The following GANC variants were observed in gnomAD, a reference collection of about 807,000 sequenced individuals.
GANC encodes the protein neutral alpha-glucosidase C.
GANC carries 117 observed loss-of-function variants against 124.2 expected under a neutral mutation model. That is an observed-to-expected ratio of 0.94 (90% CI 0.81 to 1.10). The LOEUF (loss-of-function observed/expected upper bound fraction) is 1.10. Among genes scored for constraint, GANC ranks in the 50% least tolerant of loss-of-function variants. GANC has a pLI of 0.00. For synonymous variants in GANC, 377 were observed against 376.8 expected, an observed-to-expected ratio of 1.00 and a Z score of -0.01; for missense variants, 1,140 against 1,095.0, an observed-to-expected ratio of 1.04 and a Z score of -0.58.
At chr15:42,278,139 T>G (rs2051694614) in intron 2 of GANC, 1 of 247,054 alleles carries the variant, frequency 4.0e-6, no homozygotes, top group Non-Finnish European at 8.6e-6. Context: ...AGAAATTATT[T>G]AGTTACTATT....
intron 14 of GANC, 31 bp downstream of exon 14, chr15:42,329,480 T>C: frequency 6.3e-7 from 1 of 1,584,506 alleles, no homozygotes; most frequent in Non-Finnish European, 8.6e-7. Context: ...TAAACTGGGC[T>C]TGTGTGACCC....
chr15:42,299,141 C>A (rs557751122), intron 6 of GANC, among the ~76,000 whole-genome samples: 8 of 152,054 alleles, frequency 5.3e-5, no homozygotes, highest in Non-Finnish European at 1.2e-4. Flanking sequence ...TGTCTTGTGC[C>A]AGTTTTCAAA....
At chr15:42,300,950 G>A (rs1475023424) in intron 6 of GANC, among the ~76,000 whole-genome samples, 1 of 151,904 alleles carries the variant, frequency 6.6e-6, no homozygotes, top group Non-Finnish European at 1.5e-5. Flanking sequence ...CCTGGGAGGT[G>A]GAGGTTGCAG....
intron 22 of GANC, among the ~76,000 whole-genome samples, chr15:42,350,542 C>CA (rs2052419728): frequency 6.8e-6 from 1 of 147,690 alleles, no homozygotes; most frequent in African/African-American, 2.6e-5. Context: ...CCTTGGTACA[C>CA]AGAGTTGTCT....
At chr15:42,283,968 TA>T (rs1462007450) in intron 3 of GANC, 3 of 702,488 alleles carry the variant, frequency 4.3e-6, no homozygotes, top group Non-Finnish European at 7.8e-6. Context: ...GCTGCAACTG[TA>T]GAAGGGACAA....
chr15:42,287,857 T>C (rs2051806167), intron 4 of GANC, 39 bp downstream of exon 4: 1 of 1,578,038 alleles, frequency 6.3e-7, no homozygotes, highest in Admixed American at 2.0e-5. Context: ...ACACGCTTGA[T>C]ATATTCTTTT....
intron 1 of GANC, among the ~76,000 whole-genome samples, chr15:42,274,995 T>C (rs996376264): frequency 1.3e-5 from 2 of 152,250 alleles, no homozygotes; most frequent in African/African-American, 4.8e-5. Flanking sequence ...CAAATTCATC[T>C]ATAATCACCC....
At chr15:42,297,100 A>G (rs1024553132) in intron 5 of GANC, among the ~76,000 whole-genome samples, 2 of 152,196 alleles carry the variant, frequency 1.3e-5, no homozygotes, top group African/African-American at 4.8e-5. Flanking sequence ...TGTACATTAT[A>G]GTGCTGTGTT....
chr15:42,276,310 T>G, intron 1 of GANC, 38 bp from the exon 2 acceptor site: 1 of 979,378 alleles, frequency 1.0e-6, no homozygotes, highest in Non-Finnish European at 1.6e-6. Context: ...TCACAAGCCC[T>G]GTGTGAAATA....
rs1017763934 is a variant in GANC at position 42,316,186 on chromosome 15, A to G, written c.1057+5340A>G. Among the ~76,000 whole-genome samples the G allele has an allele frequency of 4.6e-5, 7 of 152,248 alleles. No homozygotes were observed. In the East Asian group the frequency reaches 5.8e-4, roughly 13 times the overall value. On this transcript the variant is annotated intron_variant, in intron 10 of 23. Transcript: ENST00000318010. ...AATGATCACTGTAGCATTATTCACAATTGTAGGGTCCAGCCCTATGGGGCT... is the reference window on the plus strand; with the variant it reads ...AATGATCACTGTAGCATTATTCACAGTTGTAGGGTCCAGCCCTATGGGGCT...
intron 3 of GANC, chr15:42,281,174 C>T: frequency 1.4e-6 from 1 of 690,920 alleles, no homozygotes; most frequent in Non-Finnish European, 2.6e-6. Flanking sequence ...TCTGCATGCC[C>T]TGATCTCAGG....
chr15:42,337,979 T>G (rs914801364), intron 15 of GANC, among the ~76,000 whole-genome samples: 6 of 152,106 alleles, frequency 3.9e-5, no homozygotes, highest in African/African-American at 2.4e-5. Context: ...GAGACTCACT[T>G]GAACCCTGGG....
In GANC at chr15:42,331,635, A is replaced by G. The variant is rs570030666; in HGVS notation, c.1741+963A>G. On this transcript the variant is annotated intron_variant, in intron 15 of 23. Coordinates refer to ENST00000318010, the MANE Select transcript of GANC (RefSeq NM_198141.3). Reference sequence around the variant, plus strand: ...GTGGCATTCTGGAAAGGGCCAAAATATTACAATCTCAGGCAAAGATTCATG... The same window carrying G: ...GTGGCATTCTGGAAAGGGCCAAAATGTTACAATCTCAGGCAAAGATTCATG... Among the ~76,000 whole-genome samples, 6 of 152,296 alleles carry G rather than the reference A, an allele frequency of 3.9e-5. No individual in the cohort carries two copies. The South Asian group carries it at 6.2e-4, about 16-fold the overall frequency.
In GANC at chr15:42,285,898, T is replaced by C. The variant is rs115434685; in HGVS notation, c.202-1793T>C. Among the ~76,000 whole-genome samples, 797 of 152,338 alleles carry C rather than the reference T, an allele frequency of 5.2e-3. 6 individuals are homozygous for C. The highest frequency in any genetic ancestry group is 0.017 in the African/African-American group (726 of 41,576). ...AAATTAAAATGAGGATTAACTCTGA[T>C]TTATACATGAAGTCATTATAGTGAA... is the stretch of plus-strand genomic sequence containing the variant. On this transcript the variant is annotated intron_variant, in intron 3 of 23. Transcript: ENST00000318010.
At chr15:42,308,860 A>G (rs190556427) in intron 8 of GANC, among the ~76,000 whole-genome samples, 27 of 152,274 alleles carry the variant, frequency 1.8e-4, no homozygotes, top group African/African-American at 6.3e-4. Flanking sequence ...ACCTAGAAAT[A>G]TAGAGGAAGT....
intron 11 of GANC, 65 bp downstream of exon 11, chr15:42,322,085 C>A: frequency 7.5e-7 from 1 of 1,325,878 alleles, no homozygotes; most frequent in Non-Finnish European, 1.0e-6. Flanking sequence ...TTAGACTTGC[C>A]TTGGCACATC....
intron 3 of GANC, chr15:42,281,059 T>G (rs1367773570): frequency 1.4e-6 from 1 of 702,404 alleles, no homozygotes; most frequent in Non-Finnish European, 2.6e-6. Context: ...CAAGGACAAA[T>G]TACCTGGGAC....
At position 42,308,269 on chromosome 15, in the gene GANC, C is replaced by A. The variant is rs1426392020; in HGVS notation, c.673C>A (p.Leu225Ile). ...LDFSLHGFEH[L>I]YGIPQHAESH... ...TTTCTCCTTGCATGGATTTGAGCAT[C>A]TTTATGGGATCCCACAACATGCAGA... Residue 225 changes from leucine (L) to isoleucine (I), a missense_variant, in exon 8 of 24, where the codon CTT (leucine) becomes ATT (isoleucine). Physicochemically the swap from Leu to Ile is conservative, Grantham distance 5. Coordinates refer to ENST00000318010, the MANE Select transcript of GANC (RefSeq NM_198141.3). 1 of 1,609,902 alleles carries A rather than the reference C, an allele frequency of 6.2e-7. No individual in the cohort carries two copies. Among genetic ancestry groups the A allele is most frequent in the African/African-American group, 1.3e-5 (1 of 74,874 alleles).
chr15:42,290,601 G>C (rs2051832047), intron 4 of GANC, among the ~76,000 whole-genome samples: 1 of 152,020 alleles, frequency 6.6e-6, no homozygotes, highest in Admixed American at 6.6e-5. Context: ...TGAGGTTAAG[G>C]GTTGTAGACC....
Sources: gnomAD v4.1 joint callset for allele counts (sites outside exome capture counted in the v4.1 genomes callset) on GRCh38, gnomAD v4.1.1 for gene constraint, MANE v1.5 for transcripts, NCBI Gene and HGNC (gene_info 2026-07-23, HGNC 2026-07-21) for gene names.